RC3H1: variants seen among roughly 807,000 people sequenced by gnomAD.
The protein encoded by RC3H1 is roquin-1.
A neutral mutation model predicts 138.2 loss-of-function variants in RC3H1; 50 were observed. The observed-to-expected ratio is 0.36, with a 90% CI of 0.29 to 0.46. RC3H1 has a LOEUF of 0.46. RC3H1 is among the 20% of genes least tolerant of loss of function. The probability of loss-of-function intolerance (pLI) is 1.00; values close to 1 mark genes in which losing one functional copy is unlikely to be tolerated. For missense variants in RC3H1, 1,031 were observed against 1,388.1 expected, an observed-to-expected ratio of 0.74 and a Z score of 4.09; for synonymous variants, 462 against 489.1, an observed-to-expected ratio of 0.94 and a Z score of 0.73.
At chr1:173,993,536 G>GGCAT in intron 1 of RC3H1, among the ~76,000 whole-genome samples, 2 of 151,486 alleles carry the variant, frequency 1.3e-5, no homozygotes, top group East Asian at 3.9e-4. Context: ...TGAGATTACA[G>GGCAT]GCATGCACCA....
At chr1:173,941,417 A>T (rs779208142) in intron 18 of RC3H1, 37 bp from the exon 19 acceptor site, 2 of 1,340,912 alleles carry the variant, frequency 1.5e-6, no homozygotes, top group Admixed American at 3.4e-5. Flanking sequence ...GTTATCATCT[A>T]TTTAATGGTG....
intron 4 of RC3H1, chr1:173,983,106 G>T (rs998625252): frequency 2.1e-6 from 1 of 479,284 alleles, no homozygotes; most frequent in East Asian, 3.5e-5. Flanking sequence ...AACAGATAAA[G>T]TGATTAATAA....
intron 7 of RC3H1, among the ~76,000 whole-genome samples, chr1:173,973,867 T>C (rs988599627): frequency 6.6e-6 from 1 of 152,010 alleles, no homozygotes; most frequent in African/African-American, 2.4e-5. Flanking sequence ...TAAATCTGAG[T>C]TATTGTTCTA....
At chr1:173,967,242 G>T (rs1660160738) in intron 9 of RC3H1, among the ~76,000 whole-genome samples, 2 of 152,038 alleles carry the variant, frequency 1.3e-5, no homozygotes, top group Admixed American at 6.6e-5. Context: ...GATCATTGGA[G>T]CCTGGAAGTC....
chr1:173,946,718 T>G lies in RC3H1; in HGVS notation c.2828+28A>C, dbSNP rs1212804952. The stretch of plus-strand genomic sequence containing the variant: ...CCTAATTTTAAAGGTTTCTACATGT[T>G]TGTTCAAGTAAAAAGAATGACTCAT... On this transcript the variant is annotated intron_variant, in intron 16 of 19. Coordinates refer to ENST00000367696, the MANE Select transcript of RC3H1 (RefSeq NM_172071.4). 1.9e-6 allele frequency: 3 copies of G among 1,601,324 alleles called. 1 individual carries two copies. The highest frequency in any genetic ancestry group is 1.1e-5 in the South Asian group (1 of 90,470).
At chr1:173,950,162 C>G (rs568586220) in intron 14 of RC3H1, among the ~76,000 whole-genome samples, 2 of 150,238 alleles carry the variant, frequency 1.3e-5, no homozygotes, top group Non-Finnish European at 3.0e-5. Flanking sequence ...AGTGGAACTC[C>G]GTCTCAAAAA....
At chr1:173,949,188 C>G (rs1390817364) in intron 14 of RC3H1, among the ~76,000 whole-genome samples, 1 of 149,892 alleles carries the variant, frequency 6.7e-6, no homozygotes, top group Non-Finnish European at 1.5e-5. Flanking sequence ...TCACTTCACT[C>G]ATTTACAGTG....
chr1:173,988,075 C>T (rs567942888), intron 2 of RC3H1, among the ~76,000 whole-genome samples: 1 of 152,306 alleles, frequency 6.6e-6, no homozygotes, highest in East Asian at 1.9e-4. Flanking sequence ...CTCCTACACC[C>T]CTTTAGTGAA....
In RC3H1 at chr1:173,964,884, T is replaced by C. The variant is rs1379772827; in HGVS notation, c.1571A>G (p.Lys524Arg). Residue 524 changes from lysine (K) to arginine (R), a missense_variant, in exon 10 of 20, where the codon AAA becomes AGA. Physicochemically the swap from Lys to Arg is conservative, Grantham distance 26 (BLOSUM62 2). Around this residue, in one of 7 missense-constraint regions of RC3H1, gnomAD observed 716 missense variants for 837.9 expected, o/e 0.85. Transcript: ENST00000367696. ...AGCACTACTGCTCAGATGATCTATT[T>C]TTCCTGGTTTCAGACTAGAATCATA... ...PSYDSSLKPG[K>R]IDHLSSSAPG... 3.1e-6 allele frequency: 5 copies of C among 1,614,200 alleles called. No homozygotes were observed. The South Asian group carries it at 3.3e-5, about 11-fold the overall frequency.
intron 13 of RC3H1, among the ~76,000 whole-genome samples, chr1:173,956,066 G>T (rs1659632229): frequency 6.6e-6 from 1 of 151,316 alleles, no homozygotes; most frequent in South Asian, 2.1e-4. Flanking sequence ...GGGAGGTGGA[G>T]GTTGCAGTGA....
chr1:173,993,072 G>T lies in RC3H1; in HGVS notation c.-87C>A. ...CTGGAATCAAAATCTTTGAAAAAAAGTTTATCTTTTTTTTTTTTAAATATC... is the reference window on the plus strand; with the variant it reads ...CTGGAATCAAAATCTTTGAAAAAAATTTTATCTTTTTTTTTTTTAAATATC... On this transcript the variant is annotated 5_prime_UTR_variant, in exon 2 of 20. Coordinates refer to ENST00000367696, the MANE Select transcript of RC3H1 (RefSeq NM_172071.4). The T allele has an allele frequency of 7.4e-6, 7 of 942,858 alleles. No individual in the cohort carries two copies. Among genetic ancestry groups the T allele is most frequent in the Non-Finnish European group, 1.1e-5 (7 of 617,452 alleles). 58.4% of individuals were successfully genotyped at this position (942,858 alleles called of 1,614,324 possible).
chr1:173,984,109 T>C (rs1475747859), intron 3 of RC3H1, among the ~76,000 whole-genome samples: 1 of 152,184 alleles, frequency 6.6e-6, no homozygotes, highest in Non-Finnish European at 1.5e-5. Flanking sequence ...CATATAAAAC[T>C]GGATAGAAGG....
intron 17 of RC3H1, among the ~76,000 whole-genome samples, chr1:173,944,257 T>C (rs1237473474): frequency 1.3e-5 from 2 of 151,984 alleles, no homozygotes; most frequent in African/African-American, 2.4e-5. Context: ...TTAATGGTAA[T>C]TTTCTCTGAA....
At chr1:173,940,438 T>C (rs1275405814) in intron 19 of RC3H1, among the ~76,000 whole-genome samples, 2 of 151,986 alleles carry the variant, frequency 1.3e-5, no homozygotes, top group Admixed American at 6.6e-5. Flanking sequence ...GCCATTGCAC[T>C]CCAGCCTGGG....
intron 13 of RC3H1, among the ~76,000 whole-genome samples, chr1:173,960,107 C>CAAAAAAAAAAAAA (rs58330993): frequency 2.0e-5 from 1 of 51,126 alleles, no homozygotes; most frequent in Non-Finnish European, 3.9e-5. Flanking sequence ...GACTCCGACT[C>CAAAAAAAAAAAAA]AAAAAAAAAA....
chr1:173,942,171 G>C (rs534982925), intron 18 of RC3H1, among the ~76,000 whole-genome samples: 5 of 151,716 alleles, frequency 3.3e-5, no homozygotes, highest in African/African-American at 1.2e-4. Flanking sequence ...GAACCCAGGA[G>C]GCAGAGGTTG....
At position 173,945,772 on chromosome 1, in the gene RC3H1, A is replaced by G. The variant is rs535574113; in HGVS notation, c.2961+704T>C. 1.1e-3 allele frequency among the ~76,000 whole-genome samples: 174 copies of G among 151,938 alleles called. 1 individual carries two copies. The highest frequency in any genetic ancestry group is 4.1e-3 in the African/African-American group (170 of 41,470). On this transcript the variant is annotated intron_variant, in intron 17 of 19. Transcript: ENST00000367696. ...GCCTGGGCTGGAGTGCAATGGCGCAATCTTGGCTCACTGCAACCTCTGCTT... is the reference window on the plus strand; with the variant it reads ...GCCTGGGCTGGAGTGCAATGGCGCAGTCTTGGCTCACTGCAACCTCTGCTT...
chr1:173,937,768 A>ATAGTTGAT lies in RC3H1; in HGVS notation c.*945_*952dup, dbSNP rs2102825417. ...AAATCAAATGTTGCAGTTTTAAAAC[A>ATAGTTGAT]TAGTTGATTGTCCTTGTTTTTTAGC... On this transcript the variant is annotated 3_prime_UTR_variant, in exon 20 of 20. Coordinates refer to ENST00000367696, the MANE Select transcript of RC3H1 (RefSeq NM_172071.4). 1 of 152,342 alleles carries ATAGTTGAT rather than the reference A, an allele frequency of 6.6e-6. No homozygotes were observed. The highest frequency in any genetic ancestry group is 2.4e-5 in the African/African-American group (1 of 41,580). 9.4% of individuals were successfully genotyped at this position (152,342 alleles called of 1,614,324 possible). A position where few individuals can be genotyped will look rare whatever the true frequency, so the allele number is the denominator to read the frequency against.
At chr1:173,978,385 C>T in intron 7 of RC3H1, 103 bp downstream of exon 7, 4 of 1,224,110 alleles carry the variant, frequency 3.3e-6, no homozygotes, top group Non-Finnish European at 3.4e-6. Context: ...TCTGGAGTAA[C>T]TACTTTGGGA....
Sources: allele counts gnomAD v4.1 joint callset (sites outside exome capture counted in the v4.1 genomes callset), GRCh38; gene constraint gnomAD v4.1.1; regional missense constraint gnomAD v4.1.1; transcripts MANE v1.5; gene names NCBI Gene and HGNC (gene_info 2026-07-23, HGNC 2026-07-21).